Variants in LARGE1 observed in about 807,000 individuals in gnomAD.
LARGE1 encodes the protein LARGE xylosyl- and glucuronyltransferase 1.
Under a neutral mutation model 87.6 loss-of-function variants are expected in LARGE1, and 43 were observed. The observed-to-expected ratio is 0.49, with a 90% CI of 0.38 to 0.63. The LOEUF is 0.63. Ranked by LOEUF, LARGE1 falls within the 30% of genes least tolerant of loss-of-function variation. LARGE1 has a pLI of 0.00. For missense variants in LARGE1, 802 were observed against 1,000.2 expected (o/e 0.80, Z 2.67); for synonymous variants, 434 against 394.6 (o/e 1.10, Z -1.18).
intron 11 of LARGE1, among the ~76,000 whole-genome samples, chr22:33,265,246 T>C (rs961308842): frequency 6.6e-6 from 1 of 152,146 alleles, no homozygotes; most frequent in Non-Finnish European, 1.5e-5. Context: ...TCTAAGTTCT[T>C]GGACTGCCTC....
At position 33,441,071 on chromosome 22, in the gene LARGE1, C is replaced by CTTTTTTTTTTTTTTTTTT. The variant is rs35976426; in HGVS notation, c.788-8824_788-8807dup. Among the ~76,000 whole-genome samples the CTTTTTTTTTTTTTTTTTT allele has an allele frequency of 2.5e-3, 251 of 98,486 alleles. 22 individuals carry two copies. Among genetic ancestry groups the CTTTTTTTTTTTTTTTTTT allele is most frequent in the African/African-American group, 0.011 (234 of 20,358 alleles). The allele number at this position is 98,486 out of a possible 152,430, so 64.6% of individuals were successfully genotyped here. ...CTCAGCTGCTGCTATTTTGTTTGAA[C>CTTTTTTTTTTTTTTTTTT]TTTTTTTTTTTTTTTTTTTTGAGAG... is the stretch of plus-strand genomic sequence containing the variant. On this transcript the variant is annotated intron_variant, in intron 6 of 14. Transcript: ENST00000397394.
intron 1 of LARGE1, among the ~76,000 whole-genome samples, chr22:33,828,216 G>A (rs912523885): frequency 3.3e-5 from 5 of 152,208 alleles, no homozygotes; most frequent in Non-Finnish European, 7.3e-5. Context: ...GGAGTAAGTT[G>A]ATCCATGAGA....
intron 10 of LARGE1, among the ~76,000 whole-genome samples, chr22:33,321,784 A>G (rs951914237): frequency 4.6e-5 from 7 of 152,136 alleles, no homozygotes; most frequent in Non-Finnish European, 7.3e-5. Context: ...TGAGAAACAC[A>G]TGCATGTATG....
chr22:33,586,645 G>A (rs1487418344), intron 5 of LARGE1, among the ~76,000 whole-genome samples: 1 of 152,028 alleles, frequency 6.6e-6, no homozygotes, highest in African/African-American at 2.4e-5. Flanking sequence ...TTTTAGTAGA[G>A]ATGGGGTTTC....
At chr22:33,533,887 A>AG (rs1394998402) in intron 6 of LARGE1, among the ~76,000 whole-genome samples, 14 of 146,916 alleles carry the variant, frequency 9.5e-5, no homozygotes, top group African/African-American at 3.6e-4. Flanking sequence ...CATTAATTTC[A>AG]GGTTTTTTTT....
chr22:33,258,862 A>C (rs1471108898), intron 11 of LARGE1, among the ~76,000 whole-genome samples: 2 of 148,752 alleles, frequency 1.3e-5, no homozygotes, highest in Non-Finnish European at 3.0e-5. Flanking sequence ...GCCTTGATAT[A>C]AACTTTATGT....
intron 6 of LARGE1, among the ~76,000 whole-genome samples, chr22:33,437,559 T>C (rs955667170): frequency 1.3e-5 from 2 of 152,090 alleles, no homozygotes; most frequent in Non-Finnish European, 2.9e-5. Flanking sequence ...GTCGATGAAA[T>C]AGTAAAGCGT....
Position 33,449,920 on chromosome 22 carries a change from CT to C in LARGE1, c.788-17656del, listed in dbSNP as rs779381577. Among the ~76,000 whole-genome samples, 286 of 146,564 alleles carry C rather than the reference CT, an allele frequency of 2.0e-3. 2 individuals are homozygous for C. The highest frequency in any genetic ancestry group is 4.1e-3 in the Admixed American group (60 of 14,604). On this transcript the variant is annotated intron_variant, in intron 6 of 14. Transcript: ENST00000397394. ...TTGCATCGAGGATGAGGCTTTTGTACTTTTTTTTTTTTGAGAAGTCTTGCTC... is the reference window on the plus strand; with the variant it reads ...TTGCATCGAGGATGAGGCTTTTGTACTTTTTTTTTTTGAGAAGTCTTGCTC...
At chr22:33,427,209 A>G (rs2066909554) in intron 7 of LARGE1, among the ~76,000 whole-genome samples, 1 of 152,224 alleles carries the variant, frequency 6.6e-6, no homozygotes. Context: ...ATGCCTGGGC[A>G]GAGCGGTTGG....
At chr22:33,666,593 TA>T (rs2081273529) in intron 2 of LARGE1, among the ~76,000 whole-genome samples, 1 of 151,894 alleles carries the variant, frequency 6.6e-6, no homozygotes, top group African/African-American at 2.4e-5. Flanking sequence ...CACATGATAA[TA>T]AAAGGGGTCA....
At chr22:33,360,771 T>C (rs1236304046) in intron 9 of LARGE1, among the ~76,000 whole-genome samples, 1 of 149,588 alleles carries the variant, frequency 6.7e-6, no homozygotes, top group Non-Finnish European at 1.5e-5. Context: ...TTGCAGATAA[T>C]TGCAGTTTTC....
chr22:33,665,815 C>T (rs2081251240), intron 2 of LARGE1, among the ~76,000 whole-genome samples: 1 of 151,996 alleles, frequency 6.6e-6, no homozygotes. Flanking sequence ...TGGTGTGAAC[C>T]CAGGAGGCGG....
At chr22:33,100,486 A>T in the LARGE1 span, among the ~76,000 whole-genome samples, 1 of 152,168 alleles carries the variant, frequency 6.6e-6, no homozygotes, top group Non-Finnish European at 1.5e-5. Flanking sequence ...GCGGCCCAAG[A>T]CTGTAATAGC....
chr22:33,394,739 G>A (rs1039864008), intron 7 of LARGE1, among the ~76,000 whole-genome samples: 19 of 139,638 alleles, frequency 1.4e-4, no homozygotes, highest in African/African-American at 5.9e-4. Flanking sequence ...GTGTGTGTGT[G>A]TGTGTATGTG....
intron 1 of LARGE1, among the ~76,000 whole-genome samples, chr22:33,902,174 C>T (rs1214666675): frequency 5.3e-5 from 8 of 152,156 alleles, no homozygotes; most frequent in South Asian, 2.1e-4. Flanking sequence ...ACTCATAAAA[C>T]CCCACACTTG....
the LARGE1 span, among the ~76,000 whole-genome samples, chr22:33,147,873 A>G: frequency 1.5e-4 from 23 of 152,222 alleles, no homozygotes; most frequent in African/African-American, 4.8e-4. Flanking sequence ...TAACAAAGCA[A>G]ATCTATTCCA....
chr22:33,584,580 C>T (rs1489574506), intron 5 of LARGE1, among the ~76,000 whole-genome samples: 3 of 152,046 alleles, frequency 2.0e-5, no homozygotes, highest in East Asian at 1.9e-4. Flanking sequence ...AGGTACAGAC[C>T]TGAGTTGTTT....
chr22:33,609,425 C>T (rs1407623234), intron 4 of LARGE1, among the ~76,000 whole-genome samples: 9 of 152,190 alleles, frequency 5.9e-5, no homozygotes, highest in Admixed American at 5.2e-4. Context: ...ACAAAAGCTA[C>T]ATGGTGGTGA....
chr22:33,869,859 C>T lies in LARGE1; in HGVS notation c.-83+50136G>A, dbSNP rs560968690. On this transcript the variant is annotated intron_variant, in intron 1 of 14. Coordinates refer to ENST00000397394, the MANE Select transcript of LARGE1 (RefSeq NM_133642.5). ...TGCCCAAAGCCACCCCACAAAGGGC[C>T]GTCATCAGGAGTATGGGGAAGTAAA... Among the ~76,000 whole-genome samples, 327 of 152,230 alleles carry T rather than the reference C, an allele frequency of 2.1e-3. 1 individual carries two copies. The highest frequency in any genetic ancestry group is 3.8e-3 in the Non-Finnish European group (257 of 68,024).
Sources: gnomAD v4.1 joint callset for allele counts (sites outside exome capture counted in the v4.1 genomes callset) on GRCh38, gnomAD v4.1.1 for gene constraint, MANE v1.5 for transcripts, NCBI Gene and HGNC (gene_info 2026-07-23, HGNC 2026-07-21) for gene names.